The following NET1 variants were observed in gnomAD, a reference collection of about 807,000 sequenced individuals.
NET1 encodes the protein neuroepithelial cell-transforming gene 1 protein.
A neutral mutation model predicts 61.1 loss-of-function variants in NET1; 42 were observed. The observed-to-expected ratio is 0.69, with a 90% confidence interval of 0.54 to 0.89. The LOEUF (loss-of-function observed/expected upper bound fraction) is 0.89. NET1 is among the 40% of genes least tolerant of loss of function. The probability of loss-of-function intolerance (pLI) is 0.00; values close to 1 mark genes in which losing one functional copy is unlikely to be tolerated. For missense variants in NET1, 654 were observed against 747.3 expected (o/e 0.88, Z 1.46); for synonymous variants, 254 against 281.8 (o/e 0.90, Z 0.99).
chr10:5,423,048 A>C lies in NET1; in HGVS notation c.129-3607A>C, dbSNP rs1832203036. Reference sequence around the variant, plus strand: ...TTACATTTTTTATTTAATTGGAAAAAATGTTATTTTTAGGATAAGAGTATA... The same window carrying C: ...TTACATTTTTTATTTAATTGGAAAACATGTTATTTTTAGGATAAGAGTATA... On this transcript the variant is annotated intron_variant, in intron 1 of 11. Transcript: ENST00000355029. The surrounding 1 kb of genome is among the most constrained non-coding windows in gnomAD (Gnocchi z 4.4). Among the ~76,000 whole-genome samples, 1 of 152,116 alleles carries C rather than the reference A, an allele frequency of 6.6e-6. No individual in the cohort carries two copies. Among genetic ancestry groups the C allele is most frequent in the Admixed American group, 6.6e-5 (1 of 15,264 alleles).
In NET1 at chr10:5,451,912, T is replaced by C. The variant is rs1211322981; in HGVS notation, c.338T>C (p.Val113Ala). The C allele has an allele frequency of 6.2e-7, 1 of 1,613,904 alleles. No individual in the cohort carries two copies. Among genetic ancestry groups the C allele is most frequent in the East Asian group, 2.2e-5 (1 of 44,866 alleles). Residue 113 changes from valine (V) to alanine (A), a missense_variant, in exon 4 of 12, where the codon GTC (valine) becomes GCC (alanine). Transcript: ENST00000355029. This position sits in a 1 kb window ranked among gnomAD's most constrained non-coding sequence, Gnocchi z 6.1. Reference protein sequence around the residue: ...NLISPVRNGAVRRFGQTIQSF... With the variant: ...NLISPVRNGAARRFGQTIQSF... ...ATCTCTCCTGTAAGAAATGGAGCTG[T>C]CAGACGTTTTGGTCAAACAATACAG...
chr10:5,415,830 T>G lies in NET1; in HGVS notation c.128+3010T>G, dbSNP rs1287019356. On this transcript the variant is annotated intron_variant, in intron 1 of 11. Transcript: ENST00000355029. The surrounding 1 kb of genome is among the most constrained non-coding windows in gnomAD (Gnocchi z 4.7). ...TATCAGATAGATTATTTGCAAATAT[T>G]TTCTCTTATTCTGTGGTTTGTCTTT... Among the ~76,000 whole-genome samples the G allele has an allele frequency of 6.6e-6, 1 of 152,166 alleles. No homozygotes were observed. The highest frequency in any genetic ancestry group is 1.5e-5 in the Non-Finnish European group (1 of 68,026).
At position 5,418,631 on chromosome 10, in the gene NET1, CTTTGT is replaced by C. The variant is rs536045305; in HGVS notation, c.128+5815_128+5819del. 3.3e-3 allele frequency among the ~76,000 whole-genome samples: 506 copies of C among 152,082 alleles called. 5 individuals carry two copies. The highest frequency in any genetic ancestry group is 4.8e-3 in the Non-Finnish European group (328 of 67,944). ...CATTAATTTTCTTTGTTCTTCTATT[CTTTGT>C]TTTATTTTCACTTTAATCCTTATTG... On this transcript the variant is annotated intron_variant, in intron 1 of 11. Coordinates refer to ENST00000355029, the MANE Select transcript of NET1 (RefSeq NM_001047160.3).
intron 3 of NET1, among the ~76,000 whole-genome samples, chr10:5,436,859 A>G (rs998435411): frequency 1.6e-4 from 25 of 152,280 alleles, no homozygotes; most frequent in African/African-American, 6.0e-4. Flanking sequence ...TTTAGCTATG[A>G]TTTCTACTGG....
Position 5,453,765 on chromosome 10 carries a change from T to G in NET1, c.768+205T>G, listed in dbSNP as rs1323701166. Among the ~76,000 whole-genome samples, 2 of 152,186 alleles carry G rather than the reference T, an allele frequency of 1.3e-5. No homozygotes were observed. Among genetic ancestry groups the G allele is most frequent in the Non-Finnish European group, 2.9e-5 (2 of 68,018 alleles). On this transcript the variant is annotated intron_variant, in intron 8 of 11. Transcript: ENST00000355029. This position sits in a 1 kb window ranked among gnomAD's most constrained non-coding sequence, Gnocchi z 4.9. ...CACCTTCATTAATGCTATAGGTTCA[T>G]TTGTGTTACAAATACGTTCCTGCTT...
rs1043012774 is a variant in NET1 at position 5,437,368 on chromosome 10, A to G, written c.255+8139A>G. 2.0e-5 allele frequency among the ~76,000 whole-genome samples: 3 copies of G among 152,120 alleles called. No individual in the cohort carries two copies. The highest frequency in any genetic ancestry group is 7.2e-5 in the African/African-American group (3 of 41,518). The stretch of plus-strand genomic sequence containing the variant: ...CTCCCTAATTCTTCTTGGTTGCTGT[A>G]TTGTATTCCATAGTGTGTTAAAGTA... On this transcript the variant is annotated intron_variant, in intron 3 of 11. Transcript: ENST00000355029. This position sits in a 1 kb window ranked among gnomAD's most constrained non-coding sequence, Gnocchi z 4.3.
At position 5,454,135 on chromosome 10, in the gene NET1, C is replaced by A; in HGVS notation, c.769-130C>A. ...GCTATTCAGCTTCCATTATTATCTGCCAGAAAATGTCCACAGCTTGTTAAA... is the reference window on the plus strand; with the variant it reads ...GCTATTCAGCTTCCATTATTATCTGACAGAAAATGTCCACAGCTTGTTAAA... On this transcript the variant is annotated intron_variant, in intron 8 of 11. Transcript: ENST00000355029. This position sits in a 1 kb window ranked among gnomAD's most constrained non-coding sequence, Gnocchi z 8.1. 1.1e-6 allele frequency: 1 copy of A among 936,708 alleles called. No individual in the cohort carries two copies. Among genetic ancestry groups the A allele is most frequent in the East Asian group, 2.4e-5 (1 of 41,038 alleles). The allele number at this position is 936,708 out of a possible 1,614,324, so 58.0% of individuals were successfully genotyped here.
rs912058813 is a variant in NET1 at position 5,441,093 on chromosome 10, G to A, written c.256-10737G>A. Among the ~76,000 whole-genome samples the A allele has an allele frequency of 3.3e-5, 5 of 152,206 alleles. No homozygotes were observed. Among genetic ancestry groups the A allele is most frequent in the African/African-American group, 9.7e-5 (4 of 41,450 alleles). On this transcript the variant is annotated intron_variant, in intron 3 of 11. Coordinates refer to ENST00000355029, the MANE Select transcript of NET1 (RefSeq NM_001047160.3). The surrounding 1 kb of genome is among the most constrained non-coding windows in gnomAD (Gnocchi z 4.6). ...TTAAGCTGTCACTACTGTGGGCAGTGGGGTAGATCTCTCTGGAACCCTCTG... is the reference window on the plus strand; with the variant it reads ...TTAAGCTGTCACTACTGTGGGCAGTAGGGTAGATCTCTCTGGAACCCTCTG...
rs1397440582 is a variant in NET1, at chr10:5,427,090, ATT to A, written c.195+370_195+371del. ...AAAATATAAAAATGCTTGATTGCAC[ATT>A]GTGTATATATATTTAATATATATAA... On this transcript the variant is annotated intron_variant, in intron 2 of 11. Coordinates refer to ENST00000355029, the MANE Select transcript of NET1 (RefSeq NM_001047160.3). This position sits in a 1 kb window ranked among gnomAD's most constrained non-coding sequence, Gnocchi z 4.1. Among the ~76,000 whole-genome samples the A allele has an allele frequency of 6.6e-6, 1 of 151,716 alleles. No individual in the cohort carries two copies. The highest frequency in any genetic ancestry group is 2.4e-5 in the African/African-American group (1 of 41,324).
rs1832550195 is a variant in NET1 at position 5,443,062 on chromosome 10, TGG to T, written c.256-8766_256-8765del. On this transcript the variant is annotated intron_variant, in intron 3 of 11. Coordinates refer to ENST00000355029, the MANE Select transcript of NET1 (RefSeq NM_001047160.3). The surrounding 1 kb of genome is among the most constrained non-coding windows in gnomAD (Gnocchi z 4.8). ...GGCAATTTAGTGAATACTGCTAGCC[TGG>T]GACTCAGGAGACTTTGGTTTTAAAC... is the stretch of plus-strand genomic sequence containing the variant. Among the ~76,000 whole-genome samples, 1 of 152,200 alleles carries T rather than the reference TGG, an allele frequency of 6.6e-6. No individual in the cohort carries two copies. The highest frequency in any genetic ancestry group is 2.1e-4 in the South Asian group (1 of 4,828).
At position 5,443,868 on chromosome 10, in the gene NET1, A is replaced by G. The variant is rs887656721; in HGVS notation, c.256-7962A>G. On this transcript the variant is annotated intron_variant, in intron 3 of 11. Coordinates refer to ENST00000355029, the MANE Select transcript of NET1 (RefSeq NM_001047160.3). The surrounding 1 kb of genome is among the most constrained non-coding windows in gnomAD (Gnocchi z 4.8). ...AAGTGGAAAAACAGTTTCAAGAAAG[A>G]CATCGGGTAAGAATCCCAGGAGAAC... Among the ~76,000 whole-genome samples, 2 of 152,264 alleles carry G rather than the reference A, an allele frequency of 1.3e-5. No homozygotes were observed. Among genetic ancestry groups the G allele is most frequent in the Non-Finnish European group, 2.9e-5 (2 of 68,046 alleles).
rs552519979 is a variant in NET1, at chr10:5,453,409, T to A, written c.691+63T>A. The A allele has an allele frequency of 6.3e-7, 1 of 1,581,458 alleles. No homozygotes were observed. Among genetic ancestry groups the A allele is most frequent in the Non-Finnish European group, 8.7e-7 (1 of 1,150,316 alleles). ...GCAGCGGTGCATGTAATTTTCAGTC[T>A]AAACTTCTAATGTAGTGCTGACCTA... On this transcript the variant is annotated intron_variant, in intron 7 of 11. Transcript: ENST00000355029. This position sits in a 1 kb window ranked among gnomAD's most constrained non-coding sequence, Gnocchi z 4.9.
At position 5,427,452 on chromosome 10, in the gene NET1, T is replaced by C. The variant is rs1284001408; in HGVS notation, c.195+731T>C. 3.9e-5 allele frequency among the ~76,000 whole-genome samples: 6 copies of C among 152,144 alleles called. No homozygotes were observed. Among genetic ancestry groups the C allele is most frequent in the Admixed American group, 3.9e-4 (6 of 15,272 alleles). ...CTTCTCCTTCTCCATATTAGTCCATTCCCAGGCTCTGCTCTAACCATGTCA... is the reference window on the plus strand; with the variant it reads ...CTTCTCCTTCTCCATATTAGTCCATCCCCAGGCTCTGCTCTAACCATGTCA... On this transcript the variant is annotated intron_variant, in intron 2 of 11. Coordinates refer to ENST00000355029, the MANE Select transcript of NET1 (RefSeq NM_001047160.3). The surrounding 1 kb of genome is among the most constrained non-coding windows in gnomAD (Gnocchi z 4.1).
In NET1 at chr10:5,451,141, C is replaced by T. The variant is rs1010437159; in HGVS notation, c.256-689C>T. On this transcript the variant is annotated intron_variant, in intron 3 of 11. Coordinates refer to ENST00000355029, the MANE Select transcript of NET1 (RefSeq NM_001047160.3). This position sits in a 1 kb window ranked among gnomAD's most constrained non-coding sequence, Gnocchi z 6.1. Reference sequence around the variant, plus strand: ...TTCATAAGAGAAGTGCTACTTTTAGCCCCATTTTATAGATGAGAAAACTGA... The same window carrying T: ...TTCATAAGAGAAGTGCTACTTTTAGTCCCATTTTATAGATGAGAAAACTGA... Among the ~76,000 whole-genome samples the T allele has an allele frequency of 7.9e-5, 12 of 152,130 alleles. No homozygotes were observed. Among genetic ancestry groups the T allele is most frequent in the African/African-American group, 2.9e-4 (12 of 41,428 alleles).
In NET1 at chr10:5,441,459, G is replaced by A. The variant is rs139086522; in HGVS notation, c.256-10371G>A. ...GTTTGGGGCCTTAAGCTGAAGTTCA[G>A]GGAAAAATGGGAGGAATCCCATTCA... On this transcript the variant is annotated intron_variant, in intron 3 of 11. Transcript: ENST00000355029. This position sits in a 1 kb window ranked among gnomAD's most constrained non-coding sequence, Gnocchi z 4.6. 4.9e-4 allele frequency among the ~76,000 whole-genome samples: 74 copies of A among 152,308 alleles called. 3 individuals are homozygous for A. In the Middle Eastern group the frequency reaches 0.024, roughly 49 times the overall value.
rs1832739245 is a variant in NET1 at position 5,453,333 on chromosome 10, A to T, written c.678A>T (p.Ile226=). ...TATTTGGTGATCTGGACTCTTACAT[A>T]CCTCTGCATGAAGGTTAGATGTGCC... is the stretch of plus-strand genomic sequence containing the variant. The part of the protein sequence containing the change: ...THIFGDLDSY[I]PLHEDLLTRI... Residue 226 remains isoleucine (I), a synonymous_variant, in exon 7 of 12, where the codon ATA becomes ATT. Transcript: ENST00000355029. The surrounding 1 kb of genome is among the most constrained non-coding windows in gnomAD (Gnocchi z 4.9). 6.2e-7 allele frequency: 1 copy of T among 1,609,466 alleles called. No homozygotes were observed. Among genetic ancestry groups the T allele is most frequent in the Non-Finnish European group, 8.5e-7 (1 of 1,175,752 alleles).
chr10:5,439,332 A>T lies in NET1; in HGVS notation c.255+10103A>T, dbSNP rs1832487747. Among the ~76,000 whole-genome samples the T allele has an allele frequency of 6.6e-6, 1 of 152,198 alleles. No homozygotes were observed. The highest frequency in any genetic ancestry group is 2.4e-5 in the African/African-American group (1 of 41,452). Reference sequence around the variant, plus strand: ...TATGAAGCTAATTCATGTGTGAATGAGGGCCAAATTTTTCTCTTAGTGGTT... The same window carrying T: ...TATGAAGCTAATTCATGTGTGAATGTGGGCCAAATTTTTCTCTTAGTGGTT... On this transcript the variant is annotated intron_variant, in intron 3 of 11. Transcript: ENST00000355029. This position sits in a 1 kb window ranked among gnomAD's most constrained non-coding sequence, Gnocchi z 4.8.
rs200285555 is a variant in NET1, at chr10:5,446,843, C to G, written c.256-4987C>G. On this transcript the variant is annotated intron_variant, in intron 3 of 11. Coordinates refer to ENST00000355029, the MANE Select transcript of NET1 (RefSeq NM_001047160.3). This position sits in a 1 kb window ranked among gnomAD's most constrained non-coding sequence, Gnocchi z 5.0. ...GAGTCCTAGATGTCAATAACCAGTC[C>G]TTCAGAGAACAAGAGGTAAGACTTT... 1 of 1,609,646 alleles carries G rather than the reference C, an allele frequency of 6.2e-7. No individual in the cohort carries two copies. Among genetic ancestry groups the G allele is most frequent in the Admixed American group, 1.7e-5 (1 of 59,774 alleles).
chr10:5,452,802 T>C lies in NET1; in HGVS notation c.532-56T>C, dbSNP rs1832729751. ...CATCAAATAATGTAATTATCAGTTGTATATAATTTTCCTTTCTCGAAGGAA... is the reference window on the plus strand; with the variant it reads ...CATCAAATAATGTAATTATCAGTTGCATATAATTTTCCTTTCTCGAAGGAA... On this transcript the variant is annotated intron_variant, in intron 5 of 11. Coordinates refer to ENST00000355029, the MANE Select transcript of NET1 (RefSeq NM_001047160.3). This position sits in a 1 kb window ranked among gnomAD's most constrained non-coding sequence, Gnocchi z 4.0. 1 of 1,418,008 alleles carries C rather than the reference T, an allele frequency of 7.1e-7. No individual in the cohort carries two copies. The allele number at this position is 1,418,008 out of a possible 1,614,324, so 87.8% of individuals were successfully genotyped here.
Sources: gnomAD v4.1 joint callset for allele counts (sites outside exome capture counted in the v4.1 genomes callset) on GRCh38, gnomAD v4.1.1 for gene constraint, Gnocchi (gnomAD v3.1) non-coding constraint, MANE v1.5 for transcripts, NCBI Gene and HGNC (gene_info 2026-07-23, HGNC 2026-07-21) for gene names.